Variants in HABP2 observed in about 807,000 individuals in gnomAD.
The protein encoded by HABP2 is factor VII-activating protease.
In HABP2, 65 loss-of-function variants were observed where a neutral mutation model predicts 66.5. The ratio of observed to expected loss-of-function variants is 0.98; its 90% CI spans 0.80 to 1.20. The LOEUF (loss-of-function observed/expected upper bound fraction) is 1.20, where lower values mean the gene tolerates loss of function less well. HABP2 is among the 50% of genes most tolerant of loss of function. The pLI, the probability that HABP2 is intolerant of heterozygous loss-of-function variation, is 0.00. For missense variants in HABP2, 786 were observed against 691.0 expected (o/e 1.14, Z -1.54); for synonymous variants, 263 against 253.9 (o/e 1.04, Z -0.34).
In HABP2 at chr10:113,585,903, G is replaced by T; in HGVS notation, c.1483G>T (p.Gly495Ter). The change falls in exon 12 of 13, where the codon GGA (glycine) becomes TGA (stop). Residue 495 changes from glycine to a stop codon, truncating the protein, a stop_gained. Transcript: ENST00000351270. LOFTEE classifies it high-confidence loss of function. ...GATTGATGACAGTATGATCTGTGCA[G>T]GAAATCTTCAGAAACCTGGGCAAGA... ...HMIDDSMICAGNLQKPGQDTC... is the reference protein window; with the variant it reads ...HMIDDSMICA The T allele has an allele frequency of 6.2e-7, 1 of 1,614,032 alleles. No individual in the cohort carries two copies. Among genetic ancestry groups the T allele is most frequent in the Non-Finnish European group, 8.5e-7 (1 of 1,179,864 alleles).
chr10:113,551,387 G>T (rs187049480), upstream of HABP2, among the ~76,000 whole-genome samples: 1 of 152,218 alleles, frequency 6.6e-6, no homozygotes, highest in Non-Finnish European at 1.5e-5. Flanking sequence ...GATGAAAGAT[G>T]CATTAACTAG....
intron 1 of HABP2, among the ~76,000 whole-genome samples, chr10:113,558,074 G>A (rs11575699): frequency 0.034 from 5,212 of 152,252 alleles, 284 homozygotes; most frequent in African/African-American, 0.12. Context: ...TGGTATCAAA[G>A]GTGTCAAAAT....
intron 11 of HABP2, among the ~76,000 whole-genome samples, chr10:113,585,380 T>A (rs752103557): frequency 6.6e-6 from 1 of 152,244 alleles, no homozygotes; most frequent in Non-Finnish European, 1.5e-5. Flanking sequence ...GATGTCATTA[T>A]CTTTACAGGG....
At chr10:113,557,895 A>T (rs1328698771) in intron 1 of HABP2, among the ~76,000 whole-genome samples, 1 of 152,224 alleles carries the variant, frequency 6.6e-6, no homozygotes, top group Non-Finnish European at 1.5e-5. Flanking sequence ...CATTTTACAG[A>T]CAAGAAACTA....
intron 1 of HABP2, among the ~76,000 whole-genome samples, chr10:113,555,822 T>A (rs1844981938): frequency 6.6e-6 from 1 of 152,206 alleles, no homozygotes; most frequent in African/African-American, 2.4e-5. Context: ...TGGGGCCAGG[T>A]CTGTCTGACT....
intron 1 of HABP2, among the ~76,000 whole-genome samples, chr10:113,556,247 G>T (rs1247752935): frequency 6.6e-6 from 1 of 152,176 alleles, no homozygotes; most frequent in African/African-American, 2.4e-5. Flanking sequence ...TTGACTCCAA[G>T]AGTATTTTAG....
chr10:113,553,347 G>C (rs918404656), intron 1 of HABP2, among the ~76,000 whole-genome samples, 157 bp downstream of exon 1: 1 of 152,232 alleles, frequency 6.6e-6, no homozygotes, highest in Non-Finnish European at 1.5e-5. Flanking sequence ...CCTGTGGCTT[G>C]GTTTCTTTTG....
At chr10:113,561,385 CT>C (rs1308520951) in intron 1 of HABP2, among the ~76,000 whole-genome samples, 1 of 152,184 alleles carries the variant, frequency 6.6e-6, no homozygotes, top group Non-Finnish European at 1.5e-5. Context: ...GCCTTGAGCT[CT>C]TTGCCCAGCA....
chr10:113,577,669 G>T (rs144868615), intron 5 of HABP2, among the ~76,000 whole-genome samples: 13 of 152,218 alleles, frequency 8.5e-5, no homozygotes, highest in African/African-American at 3.1e-4. Flanking sequence ...AATGTAGACA[G>T]ATTAACTCAT....
At chr10:113,576,587 T>G (rs1845413458) in intron 4 of HABP2, among the ~76,000 whole-genome samples, 1 of 152,128 alleles carries the variant, frequency 6.6e-6, no homozygotes, top group Non-Finnish European at 1.5e-5. Context: ...AGGGGCTAAT[T>G]TTACCCCTAG....
chr10:113,583,046 A>G (rs990550992), intron 9 of HABP2, among the ~76,000 whole-genome samples, 170 bp from the exon 10 acceptor site: 5 of 152,222 alleles, frequency 3.3e-5, no homozygotes, highest in Admixed American at 3.3e-4. Context: ...GCTTCTGTTA[A>G]TAAAGCACTT....
chr10:113,587,140 C>A (rs1845654523), intron 12 of HABP2, among the ~76,000 whole-genome samples: 1 of 152,154 alleles, frequency 6.6e-6, no homozygotes, highest in Admixed American at 6.5e-5. Context: ...CATGGTGAAA[C>A]CCTGTCTCTA....
intron 12 of HABP2, 99 bp from the exon 13 acceptor site, chr10:113,588,106 C>T (rs1845690783): frequency 2.1e-6 from 2 of 972,834 alleles, no homozygotes. Flanking sequence ...TGGCAAGGGA[C>T]TCCACCCCAT....
chr10:113,558,764 G>T (rs1262178055), intron 1 of HABP2, among the ~76,000 whole-genome samples: 2 of 152,164 alleles, frequency 1.3e-5, no homozygotes, highest in Non-Finnish European at 2.9e-5. Context: ...TATTTGCTGG[G>T]GCTGACTGAC....
chr10:113,575,749 A>C (rs1845395828), intron 3 of HABP2, 148 bp from the exon 4 acceptor site: 1 of 651,822 alleles, frequency 1.5e-6, no homozygotes, highest in African/African-American at 1.8e-5. Context: ...TTTAGGGACA[A>C]CATATGTTTT....
Position 113,589,097 on chromosome 10 carries a change from A to T in HABP2, c.*728A>T, listed in dbSNP as rs370916996. On this transcript the variant is annotated 3_prime_UTR_variant, in exon 13 of 13. Transcript: ENST00000351270. Reference sequence around the variant, plus strand: ...GCCCCCCGCTGCTGAAATCAAACATACCCCAAGTTAAAATGAAGCTCCCCC... The same window carrying T: ...GCCCCCCGCTGCTGAAATCAAACATTCCCCAAGTTAAAATGAAGCTCCCCC... The T allele has an allele frequency of 2.9e-5, 47 of 1,606,232 alleles. No homozygotes were observed. The African/African-American group carries it at 5.9e-4, about 20-fold the overall frequency.
rs745740374 is a variant in HABP2 at position 113,567,499 on chromosome 10, T to C, written c.80T>C (p.Met27Thr). ...VGKTACGFSL[M>T]SLLESLDPDW... Reference sequence around the variant, plus strand: ...TGTTTTGTTTTTCAGTTCTCCCTGATGTCTTTATTGGAAAGCCTGGACCCA... The same window carrying C: ...TGTTTTGTTTTTCAGTTCTCCCTGACGTCTTTATTGGAAAGCCTGGACCCA... The change falls in exon 2 of 13, where the codon ATG (methionine) becomes ACG (threonine). Residue 27 changes from methionine (M) to threonine (T), a missense_variant. Physicochemically the swap from Met to Thr is moderately conservative, Grantham distance 81. Transcript: ENST00000351270. 9 of 1,612,450 alleles carry C rather than the reference T, an allele frequency of 5.6e-6. No homozygotes were observed. Among genetic ancestry groups the C allele is most frequent in the Admixed American group, 1.7e-5 (1 of 60,004 alleles).
chr10:113,562,441 C>CTT (rs11396673), intron 1 of HABP2, among the ~76,000 whole-genome samples: 2,697 of 121,614 alleles, frequency 0.022, 118 homozygotes, highest in African/African-American at 0.075. Context: ...ATTGGATAAG[C>CTT]TTTTTTTTTT....
At chr10:113,575,589 A>G (rs895944348) in intron 3 of HABP2, among the ~76,000 whole-genome samples, 2 of 152,076 alleles carry the variant, frequency 1.3e-5, no homozygotes, top group Admixed American at 6.6e-5. Context: ...GGGAGGAGAA[A>G]AACACTGATG....
Sources: allele counts gnomAD v4.1 joint callset (sites outside exome capture counted in the v4.1 genomes callset), GRCh38; gene constraint gnomAD v4.1.1; transcripts MANE v1.5; gene names NCBI Gene and HGNC (gene_info 2026-07-23, HGNC 2026-07-21).